The following TASP1 variants were observed in gnomAD, a reference collection of about 807,000 sequenced individuals.
TASP1 encodes the protein taspase 1, also known as threonine aspartase 1.
TASP1 carries 16 observed loss-of-function variants against 56.6 expected under a neutral mutation model. The observed-to-expected ratio is 0.28, with a 90% CI of 0.19 to 0.43. TASP1 has a LOEUF of 0.43. TASP1 is among the 20% of genes least tolerant of loss of function. The probability of loss-of-function intolerance (pLI) is 1.00; values close to 1 mark genes in which losing one functional copy is unlikely to be tolerated. For synonymous variants in TASP1, 179 were observed against 184.2 expected, an observed-to-expected ratio of 0.97 and a Z score of 0.23; for missense variants, 393 against 511.6, an observed-to-expected ratio of 0.77 and a Z score of 2.24.
the TASP1 span, among the ~76,000 whole-genome samples, chr20:13,115,936 G>C: frequency 8.5e-5 from 13 of 152,182 alleles, no homozygotes; most frequent in African/African-American, 3.1e-4. Flanking sequence ...TAGGCAGCCA[G>C]ATGGCCAGAC....
chr20:13,602,883 A>C (rs765569591), intron 4 of TASP1, among the ~76,000 whole-genome samples: 6 of 152,096 alleles, frequency 3.9e-5, no homozygotes, highest in Non-Finnish European at 5.9e-5. Flanking sequence ...CCTGCTCTAA[A>C]ATATCTTCAC....
the TASP1 span, among the ~76,000 whole-genome samples, chr20:13,201,261 T>C: frequency 1.3e-5 from 2 of 151,240 alleles, no homozygotes; most frequent in Admixed American, 6.6e-5. Flanking sequence ...AGGTCAGGAG[T>C]GTTGAAGGAG....
chr20:13,397,343 T>C (rs564387918), intron 13 of TASP1, among the ~76,000 whole-genome samples: 52 of 152,240 alleles, frequency 3.4e-4, no homozygotes, highest in Non-Finnish European at 5.7e-4. Context: ...TTAGTTTCCA[T>C]AGCACTTTTG....
intron 10 of TASP1, among the ~76,000 whole-genome samples, chr20:13,520,852 G>A (rs1270013967): frequency 1.3e-5 from 2 of 151,922 alleles, no homozygotes; most frequent in Non-Finnish European, 2.9e-5. Flanking sequence ...TAGAATGGGA[G>A]AAAATTTTTG....
chr20:13,280,621 T>C, the TASP1 span, among the ~76,000 whole-genome samples: 44 of 152,282 alleles, frequency 2.9e-4, 1 homozygote, highest in East Asian at 7.9e-3. Flanking sequence ...AGTTATCCCC[T>C]GGATATTCTG....
At chr20:13,206,406 G>A in the TASP1 span, among the ~76,000 whole-genome samples, 166 of 152,246 alleles carry the variant, frequency 1.1e-3, no homozygotes, top group African/African-American at 3.8e-3. Flanking sequence ...TAAGGATTAC[G>A]CTTTTTATTA....
chr20:13,168,350 A>G, the TASP1 span: 2 of 151,932 alleles, frequency 1.3e-5, no homozygotes, highest in African/African-American at 4.8e-5. Context: ...AGCATGGCTA[A>G]TTTTCTATTT....
chr20:13,289,570 G>T, the TASP1 span, among the ~76,000 whole-genome samples: 1 of 152,046 alleles, frequency 6.6e-6, no homozygotes, highest in African/African-American at 2.4e-5. Context: ...ACCTGTTTTT[G>T]TGTGTCCCAT....
intron 2 of TASP1, among the ~76,000 whole-genome samples, chr20:13,627,711 C>T (rs1315321463): frequency 8.4e-6 from 1 of 119,504 alleles, no homozygotes; most frequent in African/African-American, 4.2e-5. Flanking sequence ...GCAGCCTGGG[C>T]AACAAGAGCG....
chr20:13,559,218 G>T, intron 7 of TASP1, 104 bp from the exon 8 acceptor site: 1 of 632,848 alleles, frequency 1.6e-6, no homozygotes, highest in Non-Finnish European at 2.4e-6. Flanking sequence ...AAATCCTTCA[G>T]TATGTTAAAT....
At chr20:13,375,492 A>G in the TASP1 span, among the ~76,000 whole-genome samples, 1 of 152,186 alleles carries the variant, frequency 6.6e-6, no homozygotes, top group South Asian at 2.1e-4. Context: ...ATTGATGGGC[A>G]TCTGAGTTGG....
chr20:13,452,032 C>T (rs1055170229), intron 11 of TASP1, among the ~76,000 whole-genome samples: 1 of 152,024 alleles, frequency 6.6e-6, no homozygotes, highest in Non-Finnish European at 1.5e-5. Context: ...TCAGAGCATA[C>T]ACATTTATTA....
the TASP1 span, chr20:13,298,834 G>GTCCTCC: frequency 9.3e-7 from 1 of 1,070,710 alleles, no homozygotes; most frequent in Non-Finnish European, 1.4e-6. Context: ...TGACTTTAGT[G>GTCCTCC]TCCTCCTGCG....
intron 2 of TASP1, among the ~76,000 whole-genome samples, chr20:13,626,751 C>T (rs2048906562): frequency 1.3e-5 from 2 of 152,310 alleles, no homozygotes; most frequent in South Asian, 4.1e-4. Flanking sequence ...CTCAAGTTGG[C>T]TGTCTTAGAT....
At chr20:13,279,667 G>C in the TASP1 span, 1 of 1,613,914 alleles carries the variant, frequency 6.2e-7, no homozygotes, top group South Asian at 1.1e-5. Context: ...TCCTGACTCT[G>C]AAGCAGATAA....
chr20:13,580,935 C>T lies in TASP1; in HGVS notation c.450G>A (p.Gly150=), dbSNP rs757218445. 3.7e-6 allele frequency: 6 copies of T among 1,613,106 alleles called. No individual in the cohort carries two copies. The highest frequency in any genetic ancestry group is 4.2e-6 in the Non-Finnish European group (5 of 1,179,674). The change falls in exon 6 of 14, where the codon GGG becomes GGA. Residue 150 remains glycine, a synonymous_variant. Transcript: ENST00000337743. Reference sequence around the variant, plus strand: ...TGCCAGCCGAGAGCTTGCCCTTCTGCCCTTCACATAAGAGTCTGTTGGCAA... The same window carrying T: ...TGCCAGCCGAGAGCTTGCCCTTCTGTCCTTCACATAAGAGTCTGTTGGCAA... ...VSVANRLLCE[G]QKGKLSAGRI...
chr20:13,259,048 C>T, the TASP1 span, among the ~76,000 whole-genome samples: 271 of 152,152 alleles, frequency 1.8e-3, 2 homozygotes, highest in Admixed American at 3.7e-3. Flanking sequence ...TTTGGGAGGC[C>T]GAGGCGGGTG....
chr20:13,610,688 C>A (rs1473759105), intron 4 of TASP1, among the ~76,000 whole-genome samples: 1 of 152,030 alleles, frequency 6.6e-6, no homozygotes. Context: ...AATTAACTTA[C>A]AAAGTTTTTT....
intron 11 of TASP1, among the ~76,000 whole-genome samples, chr20:13,446,230 A>G (rs2043406310): frequency 6.6e-6 from 1 of 152,088 alleles, no homozygotes; most frequent in Admixed American, 6.6e-5. Flanking sequence ...TTGAGACAAA[A>G]ATGTTTCCAG....
Sources: gnomAD v4.1 joint callset for allele counts (sites outside exome capture counted in the v4.1 genomes callset) on GRCh38, gnomAD v4.1.1 for gene constraint, MANE v1.5 for transcripts, NCBI Gene and HGNC (gene_info 2026-07-23, HGNC 2026-07-21) for gene names.